Variants in RBMS3 observed in about 807,000 individuals in gnomAD.
RBMS3 encodes the protein RNA-binding motif, single-stranded-interacting protein 3.
A neutral mutation model predicts 66.8 loss-of-function variants in RBMS3; 27 were observed. That is an observed-to-expected ratio of 0.40 (90% CI 0.30 to 0.56). The LOEUF is 0.56. RBMS3 is among the 20% of genes least tolerant of loss of function. The pLI is 0.40. For missense variants in RBMS3, 513 were observed against 549.5 expected (o/e 0.93, Z 0.66); for synonymous variants, 188 against 183.0 (o/e 1.03, Z -0.22).
chr3:29,281,745 C>T lies in RBMS3; in HGVS notation c.64C>T (p.Leu22Phe). 1 of 1,612,840 alleles carries T rather than the reference C, an allele frequency of 6.2e-7. No individual in the cohort carries two copies. Among genetic ancestry groups the T allele is most frequent in the Non-Finnish European group, 8.5e-7 (1 of 1,179,198 alleles). The change falls in exon 1 of 15, where the codon CTC becomes TTC. Residue 22 changes from leucine to phenylalanine, a missense_variant. Leu to Phe is a conservative substitution (Grantham distance 22). Coordinates refer to ENST00000383767, the MANE Select transcript of RBMS3 (RefSeq NM_001003793.3). ...PQYTYYYPHY[L>F]QTKQSYAPAP... is the part of the protein sequence containing the mutation. ...GTACACTTACTACTATCCTCATTAT[C>T]TCCAAACCAAGGTATGGCTTGACCC...
intron 2 of RBMS3, among the ~76,000 whole-genome samples, chr3:29,485,687 A>G (rs1417618167): frequency 6.6e-6 from 1 of 152,198 alleles, no homozygotes; most frequent in Non-Finnish European, 1.5e-5. Flanking sequence ...ATAGTATTTT[A>G]TCTCCTCTAG....
intron 1 of RBMS3, among the ~76,000 whole-genome samples, chr3:29,411,103 A>G (rs1202880275): frequency 3.3e-5 from 5 of 152,212 alleles, no homozygotes; most frequent in African/African-American, 1.2e-4. Context: ...AAAAGTTAGA[A>G]GTGGCAACAA....
intron 4 of RBMS3, among the ~76,000 whole-genome samples, chr3:29,623,004 C>A (rs898772283): frequency 4.0e-5 from 6 of 150,858 alleles, no homozygotes; most frequent in Non-Finnish European, 8.8e-5. Flanking sequence ...GTAGTCCCAG[C>A]TACTAGGGAG....
intron 1 of RBMS3, among the ~76,000 whole-genome samples, chr3:29,414,456 C>T (rs2040397228): frequency 6.6e-6 from 1 of 152,164 alleles, no homozygotes; most frequent in Non-Finnish European, 1.5e-5. Flanking sequence ...CATTCTTCTC[C>T]AAATAAGTTG....
At chr3:29,907,392 G>A (rs2060406369) in intron 10 of RBMS3, among the ~76,000 whole-genome samples, 1 of 151,980 alleles carries the variant, frequency 6.6e-6, no homozygotes, top group African/African-American at 2.4e-5. Flanking sequence ...TGTATCCTTT[G>A]ACTTATTTCT....
Position 29,897,446 on chromosome 3 carries a change from A to G in RBMS3, c.859A>G (p.Ile287Val). Reference sequence around the variant, plus strand: ...TCCACAGACATCTATCACGCCATTCATTGCTGCTTCCCCTGTCTCCACATA... The same window carrying G: ...TCCACAGACATCTATCACGCCATTCGTTGCTGCTTCCCCTGTCTCCACATA... ...MIPQTSITPF[I>V]AASPVSTYQV... The change falls in exon 9 of 15, where the codon ATT becomes GTT. Residue 287 changes from isoleucine (I) to valine (V), a missense_variant. Transcript: ENST00000383767. 6.2e-7 allele frequency: 1 copy of G among 1,611,096 alleles called. No homozygotes were observed. Among genetic ancestry groups the G allele is most frequent in the Admixed American group, 1.7e-5 (1 of 59,758 alleles).
At chr3:29,935,847 A>G (rs1270006270) in intron 10 of RBMS3, among the ~76,000 whole-genome samples, 2 of 152,118 alleles carry the variant, frequency 1.3e-5, no homozygotes, top group Non-Finnish European at 2.9e-5. Flanking sequence ...TAAGTGACAT[A>G]TTTTAGACAC....
intron 1 of RBMS3, among the ~76,000 whole-genome samples, chr3:29,313,424 C>CA (rs2034495722): frequency 6.6e-6 from 1 of 151,698 alleles, no homozygotes; most frequent in African/African-American, 2.4e-5. Flanking sequence ...TGTCCATGGG[C>CA]ATGAAGGCAC....
chr3:29,640,255 TAC>T (rs34719305), intron 4 of RBMS3, among the ~76,000 whole-genome samples: 2,793 of 139,368 alleles, frequency 0.02, 22 homozygotes, highest in African/African-American at 0.036. Context: ...ACATTTTGGT[TAC>T]ACACACACAC....
chr3:29,955,010 A>G (rs1057287164), intron 12 of RBMS3, among the ~76,000 whole-genome samples: 1 of 152,074 alleles, frequency 6.6e-6, no homozygotes, highest in Admixed American at 6.6e-5. Context: ...CATCTTTTCT[A>G]ACAGCAGCCC....
chr3:29,758,648 A>C (rs371256983), intron 5 of RBMS3, among the ~76,000 whole-genome samples: 9 of 152,156 alleles, frequency 5.9e-5, no homozygotes, highest in African/African-American at 2.2e-4. Context: ...GGAAGAAAAC[A>C]AATTGCAAAA....
intron 6 of RBMS3, among the ~76,000 whole-genome samples, chr3:29,813,819 T>C (rs376120416): frequency 7.9e-5 from 12 of 152,138 alleles, no homozygotes; most frequent in Non-Finnish European, 1.5e-4. Context: ...GTGATTTTTG[T>C]ACATTGATTT....
At chr3:29,872,959 G>GT in intron 7 of RBMS3, among the ~76,000 whole-genome samples, 1 of 152,252 alleles carries the variant, frequency 6.6e-6, no homozygotes, top group East Asian at 1.9e-4. Flanking sequence ...GTGCCTATGT[G>GT]TTTTTGTAGC....
intron 1 of RBMS3, among the ~76,000 whole-genome samples, chr3:29,335,977 G>A (rs2125525092): frequency 6.6e-6 from 1 of 152,102 alleles, no homozygotes; most frequent in South Asian, 2.1e-4. Context: ...TCTTAGGACT[G>A]GGCCTGGCGT....
chr3:29,369,126 A>G (rs1161793855), intron 1 of RBMS3, among the ~76,000 whole-genome samples: 4 of 152,046 alleles, frequency 2.6e-5, no homozygotes, highest in Non-Finnish European at 4.4e-5. Context: ...ACACATAGAC[A>G]CATAGAGGGG....
rs974670089 is a variant in RBMS3, at chr3:30,003,962, A to AT, written c.*107dup. 13 of 1,046,040 alleles carry AT rather than the reference A, an allele frequency of 1.2e-5. No homozygotes were observed. Among genetic ancestry groups the AT allele is most frequent in the South Asian group, 9.0e-5 (3 of 33,506 alleles). 64.8% of individuals were successfully genotyped at this position (1,046,040 alleles called of 1,614,324 possible). Reference sequence around the variant, plus strand: ...GTTTGCACAGACGTCAATGGAATGCATTTTTTTGTTGTTGTTGTTGTTTTT... The same window carrying AT: ...GTTTGCACAGACGTCAATGGAATGCATTTTTTTTGTTGTTGTTGTTGTTTTT... On this transcript the variant is annotated 3_prime_UTR_variant, in exon 15 of 15. Coordinates refer to ENST00000383767, the MANE Select transcript of RBMS3 (RefSeq NM_001003793.3).
intron 1 of RBMS3, among the ~76,000 whole-genome samples, chr3:29,289,803 C>T (rs1052138122): frequency 6.6e-6 from 1 of 151,756 alleles, no homozygotes; most frequent in Non-Finnish European, 1.5e-5. Context: ...TTAGACTTAA[C>T]TTTCCTATCA....
chr3:29,622,433 T>G (rs2048899686), intron 4 of RBMS3, among the ~76,000 whole-genome samples: 1 of 152,220 alleles, frequency 6.6e-6, no homozygotes, highest in Non-Finnish European at 1.5e-5. Flanking sequence ...GCAATTAGTT[T>G]TTATAATATG....
At chr3:29,664,043 C>A (rs1365633702) in intron 4 of RBMS3, among the ~76,000 whole-genome samples, 1 of 151,886 alleles carries the variant, frequency 6.6e-6, no homozygotes, top group Non-Finnish European at 1.5e-5. Flanking sequence ...AAGTATGAAC[C>A]CCTTGAAAAT....
Sources: allele counts gnomAD v4.1 joint callset (sites outside exome capture counted in the v4.1 genomes callset), GRCh38; gene constraint gnomAD v4.1.1; transcripts MANE v1.5; gene names NCBI Gene and HGNC (gene_info 2026-07-23, HGNC 2026-07-21).